The following SRRM4 variants were observed in gnomAD, a reference collection of about 807,000 sequenced individuals.
The protein encoded by SRRM4 is serine/arginine repetitive matrix 4.
Under a neutral mutation model 68.9 loss-of-function variants are expected in SRRM4, and 33 were observed. The observed-to-expected ratio is 0.48, with a 90% CI of 0.36 to 0.64. The LOEUF is 0.64. Among genes scored for constraint, SRRM4 ranks in the 30% least tolerant of loss-of-function variants. The probability of loss-of-function intolerance (pLI) is 0.00; values close to 1 mark genes in which losing one functional copy is unlikely to be tolerated. For synonymous variants in SRRM4, 318 were observed against 318.8 expected, an observed-to-expected ratio of 1.00 and a Z score of 0.03; for missense variants, 817 against 827.1, an observed-to-expected ratio of 0.99 and a Z score of 0.15.
chr12:119,049,141 G>A (rs1169020723), intron 1 of SRRM4, among the ~76,000 whole-genome samples: 2 of 152,180 alleles, frequency 1.3e-5, no homozygotes, highest in Non-Finnish European at 2.9e-5. Context: ...GTGTGAAGGA[G>A]AAAAATGACA....
chr12:119,065,184 A>C (rs889662882), intron 1 of SRRM4, among the ~76,000 whole-genome samples: 2 of 152,086 alleles, frequency 1.3e-5, no homozygotes, highest in Non-Finnish European at 2.9e-5. Context: ...TCAAGAACCT[A>C]CCTCAGATCT....
chr12:118,998,202 G>A (rs954428674), intron 1 of SRRM4, among the ~76,000 whole-genome samples: 2 of 127,866 alleles, frequency 1.6e-5, no homozygotes, highest in Admixed American at 9.9e-5. Context: ...AGAAAGGAAA[G>A]AGATATTTCT....
Position 119,075,888 on chromosome 12 carries a change from T to C in SRRM4, c.132-26348T>C, listed in dbSNP as rs1371327739. Among the ~76,000 whole-genome samples the C allele has an allele frequency of 1.8e-3, 247 of 138,028 alleles. 4 individuals are homozygous for C. Among genetic ancestry groups the C allele is most frequent in the Non-Finnish European group, 2.4e-3 (155 of 63,824 alleles). The allele number at this position is 138,028 out of a possible 152,430, so 90.6% of individuals were successfully genotyped here. ...GTGGTGATGATGATGGTAGTAGTGA[T>C]GATGATGGTAGCGATGATGGTGATG... On this transcript the variant is annotated intron_variant, in intron 1 of 12. Transcript: ENST00000267260.
At chr12:119,044,568 A>G (rs1953693013) in intron 1 of SRRM4, among the ~76,000 whole-genome samples, 1 of 152,118 alleles carries the variant, frequency 6.6e-6, no homozygotes, top group South Asian at 2.1e-4. Flanking sequence ...TGCCATGGTT[A>G]TGGGCACAAG....
At chr12:119,123,365 G>A (rs3884577) in intron 6 of SRRM4, among the ~76,000 whole-genome samples, 94,115 of 151,944 alleles carry the variant, frequency 0.62, 29,241 homozygotes, top group South Asian at 0.68. Context: ...TATTGGCCAC[G>A]TGTATTGAAT....
chr12:119,106,401 G>A (rs1954107988), intron 2 of SRRM4, among the ~76,000 whole-genome samples: 1 of 152,024 alleles, frequency 6.6e-6, no homozygotes, highest in African/African-American at 2.4e-5. Context: ...ACCTTGGGCA[G>A]TATGGCCATT....
At chr12:118,990,677 A>G (rs1020147445) in intron 1 of SRRM4, among the ~76,000 whole-genome samples, 1 of 152,218 alleles carries the variant, frequency 6.6e-6, no homozygotes, top group East Asian at 1.9e-4. Flanking sequence ...CACTTGCAGC[A>G]ATACTGCTTT....
At chr12:119,142,750 G>A (rs1190773112) in intron 8 of SRRM4, among the ~76,000 whole-genome samples, 1 of 152,174 alleles carries the variant, frequency 6.6e-6, no homozygotes, top group African/African-American at 2.4e-5. Context: ...CTGGGGCAAA[G>A]ATTCCATGAT....
At chr12:119,059,796 A>G (rs1344415903) in intron 1 of SRRM4, among the ~76,000 whole-genome samples, 3 of 152,152 alleles carry the variant, frequency 2.0e-5, no homozygotes, top group East Asian at 3.9e-4. Flanking sequence ...AGAAATTTTT[A>G]TCCATTACCA....
chr12:119,125,340 TCTCTC>T (rs779695770), intron 6 of SRRM4, 36 bp from the exon 7 acceptor site: 15 of 1,557,044 alleles, frequency 9.6e-6, no homozygotes, highest in Non-Finnish European at 1.2e-5. Context: ...TTTTACTCTC[TCTCTC>T]CTCTCCTCTG....
At chr12:119,038,213 T>TC (rs1223232195) in intron 1 of SRRM4, among the ~76,000 whole-genome samples, 2 of 151,460 alleles carry the variant, frequency 1.3e-5, no homozygotes, top group East Asian at 3.9e-4. Context: ...AAAACTTTTT[T>TC]TTTTTTTTTG....
At chr12:118,982,635 G>C (rs1017417931) in intron 1 of SRRM4, among the ~76,000 whole-genome samples, 17 of 149,300 alleles carry the variant, frequency 1.1e-4, no homozygotes, top group African/African-American at 3.9e-4. Context: ...AGCCTTCCAA[G>C]ATCGTGAAGA....
intron 1 of SRRM4, among the ~76,000 whole-genome samples, chr12:119,069,421 C>T (rs1953864743): frequency 6.6e-6 from 1 of 152,142 alleles, no homozygotes; most frequent in Non-Finnish European, 1.5e-5. Context: ...CGTTGGGAGG[C>T]CGTGGATTTA....
chr12:118,984,484 G>C (rs1218696985), intron 1 of SRRM4, among the ~76,000 whole-genome samples: 1 of 152,140 alleles, frequency 6.6e-6, no homozygotes, highest in Admixed American at 6.5e-5. Flanking sequence ...GGATGGCAGG[G>C]AGTGGGTGGA....
At chr12:119,074,337 C>G (rs1953895972) in intron 1 of SRRM4, among the ~76,000 whole-genome samples, 1 of 152,154 alleles carries the variant, frequency 6.6e-6, no homozygotes, top group Admixed American at 6.5e-5. Flanking sequence ...AGTGTACGGA[C>G]AGAGCAACTG....
intron 1 of SRRM4, among the ~76,000 whole-genome samples, chr12:118,991,352 C>T (rs538311947): frequency 4.9e-4 from 74 of 152,356 alleles, no homozygotes; most frequent in Non-Finnish European, 8.1e-4. Context: ...CTCCACTTTC[C>T]AGAGCTCAGA....
At chr12:119,021,204 T>G (rs1953514048) in intron 1 of SRRM4, among the ~76,000 whole-genome samples, 1 of 152,188 alleles carries the variant, frequency 6.6e-6, no homozygotes, top group African/African-American at 2.4e-5. Context: ...TTGATGCAGT[T>G]CTACCTTGAT....
At chr12:119,116,081 G>A (rs755884890) in intron 3 of SRRM4, among the ~76,000 whole-genome samples, 2 of 152,154 alleles carry the variant, frequency 1.3e-5, no homozygotes, top group Non-Finnish European at 2.9e-5. Context: ...ACTCCCTACT[G>A]TCTTCCACCC....
chr12:119,115,669 T>C (rs1954175044), intron 3 of SRRM4, among the ~76,000 whole-genome samples: 1 of 152,176 alleles, frequency 6.6e-6, no homozygotes, highest in South Asian at 2.1e-4. Context: ...AGGCAAGTGC[T>C]TTGGATTTCC....
Sources: allele counts gnomAD v4.1 joint callset (sites outside exome capture counted in the v4.1 genomes callset), GRCh38; gene constraint gnomAD v4.1.1; transcripts MANE v1.5; gene names NCBI Gene and HGNC (gene_info 2026-07-23, HGNC 2026-07-21).